The following FARP1 variants were observed in gnomAD, a reference collection of about 807,000 sequenced individuals.
FARP1 encodes the protein FERM, ARHGEF and pleckstrin domain-containing protein 1.
A neutral mutation model predicts 128.8 loss-of-function variants in FARP1; 52 were observed. That is an observed-to-expected ratio of 0.40 (90% confidence interval 0.32 to 0.51). The LOEUF (loss-of-function observed/expected upper bound fraction) is 0.51. Among genes scored for constraint, FARP1 ranks in the 20% least tolerant of loss-of-function variants. The pLI is 0.45. For missense variants in FARP1, 1,333 were observed against 1,367.9 expected, an observed-to-expected ratio of 0.97 and a Z score of 0.40; for synonymous variants, 580 against 551.8, an observed-to-expected ratio of 1.05 and a Z score of -0.72.
At chr13:98,229,174 C>T (rs1881968001) in intron 2 of FARP1, among the ~76,000 whole-genome samples, 1 of 152,182 alleles carries the variant, frequency 6.6e-6, no homozygotes, top group Non-Finnish European at 1.5e-5. Context: ...GCTAGTGACA[C>T]ATTTTCTATT....
At chr13:98,374,304 A>G (rs1889480289) in intron 5 of FARP1, among the ~76,000 whole-genome samples, 1 of 152,136 alleles carries the variant, frequency 6.6e-6, no homozygotes, top group Admixed American at 6.6e-5. Context: ...TGTACCTGTA[A>G]TCACAGCTAC....
Position 98,370,771 on chromosome 13 carries a change from A to G in FARP1, c.398+2576A>G, listed in dbSNP as rs1374156167. 1.9e-4 allele frequency among the ~76,000 whole-genome samples: 29 copies of G among 152,100 alleles called. 1 individual carries two copies. The highest frequency in any genetic ancestry group is 1.9e-3 in the Admixed American group (29 of 15,270). ...CAGCTCCAGGGAGACAGTGACAAAG[A>G]CTTCCCACTGCTTTGTGTTTTCTGA... On this transcript the variant is annotated intron_variant, in intron 5 of 26. Coordinates refer to ENST00000319562, the MANE Select transcript of FARP1 (RefSeq NM_005766.4).
chr13:98,414,231 C>G (rs1891296097), intron 16 of FARP1, among the ~76,000 whole-genome samples: 1 of 152,088 alleles, frequency 6.6e-6, no homozygotes, highest in African/African-American at 2.4e-5. Context: ...CATAATGTAA[C>G]CCATGTTTTA....
At chr13:98,209,712 G>C (rs1490583954) in intron 1 of FARP1, among the ~76,000 whole-genome samples, 1 of 140,896 alleles carries the variant, frequency 7.1e-6, no homozygotes, top group Admixed American at 7.7e-5. Context: ...CAGGAGAATC[G>C]CTTGAACCTG....
At chr13:98,413,976 A>G (rs1594508611) in intron 16 of FARP1, among the ~76,000 whole-genome samples, 1 of 152,310 alleles carries the variant, frequency 6.6e-6, no homozygotes, top group East Asian at 1.9e-4. Context: ...AGGAAATGTC[A>G]TCAGTTTGCA....
rs1891100499 is a variant in FARP1 at position 98,409,347 on chromosome 13, C to A, written c.1424C>A (p.Thr475Asn). The A allele has an allele frequency of 2.5e-6, 4 of 1,605,312 alleles. No homozygotes were observed. Among genetic ancestry groups the A allele is most frequent in the Non-Finnish European group, 3.4e-6 (4 of 1,174,184 alleles). ...QPPQPSTGSL[T>N]GSPHLSELSV... is the part of the protein sequence containing the mutation. The stretch of plus-strand genomic sequence containing the variant: ...TCTCATCCCCAAACAGGCTCCCTGA[C>A]TGGCAGTCCTCACCTTTCCGAGCTG... Residue 475 changes from threonine to asparagine, a missense_variant, in exon 14 of 27, where the codon ACT (threonine) becomes AAT (asparagine). Around this residue, in one of 2 missense-constraint regions of FARP1, gnomAD observed 1,009 missense variants for 969.8 expected, o/e 1.04. Transcript: ENST00000319562.
chr13:98,282,899 C>CA (rs975741022), intron 2 of FARP1, among the ~76,000 whole-genome samples: 21 of 147,698 alleles, frequency 1.4e-4, no homozygotes, highest in Admixed American at 4.7e-4. Flanking sequence ...GACTCCGTCT[C>CA]AAAAAAAAAT....
At chr13:98,348,087 C>T (rs769051365) in intron 3 of FARP1, among the ~76,000 whole-genome samples, 5 of 152,180 alleles carry the variant, frequency 3.3e-5, no homozygotes, top group Non-Finnish European at 7.3e-5. Context: ...TTTTCATAGT[C>T]TAAGACGTGT....
chr13:98,439,232 C>T, intron 21 of FARP1, 36 bp downstream of exon 21: 2 of 1,482,008 alleles, frequency 1.3e-6, no homozygotes, highest in Non-Finnish European at 1.9e-6. Flanking sequence ...AGGGCCTGTC[C>T]TCGGGGGCAG....
chr13:98,243,696 C>CAAA lies in FARP1; in HGVS notation c.171+30303_171+30305dup, dbSNP rs61020922. On this transcript the variant is annotated intron_variant, in intron 2 of 26. Transcript: ENST00000319562. ...TGGGCGACAGAGAGAGACTCCATCT[C>CAAA]AAAAAAAAAAAAAAAAAAAAAATCT... Among the ~76,000 whole-genome samples, 350 of 64,790 alleles carry CAAA rather than the reference C, an allele frequency of 5.4e-3. 7 individuals carry two copies. Among genetic ancestry groups the CAAA allele is most frequent in the East Asian group, 0.022 (39 of 1,742 alleles). 42.5% of individuals were successfully genotyped at this position (64,790 alleles called of 152,430 possible). A position where few individuals can be genotyped will look rare whatever the true frequency, so the allele number is the denominator to read the frequency against.
At chr13:98,179,319 A>G (rs763556045) in intron 1 of FARP1, among the ~76,000 whole-genome samples, 20 of 152,316 alleles carry the variant, frequency 1.3e-4, no homozygotes, top group Non-Finnish European at 2.9e-4. Context: ...AACTGCCCCC[A>G]TGATTCAGTT....
intron 24 of FARP1, among the ~76,000 whole-genome samples, chr13:98,444,457 T>G (rs1466733206): frequency 1.3e-5 from 2 of 152,048 alleles, no homozygotes; most frequent in Non-Finnish European, 2.9e-5. Flanking sequence ...ATGTTGACCC[T>G]CTCGTGAAGG....
chr13:98,227,450 T>C (rs1030661879), intron 2 of FARP1, among the ~76,000 whole-genome samples: 2 of 129,112 alleles, frequency 1.5e-5, no homozygotes, highest in Non-Finnish European at 3.4e-5. Context: ...ATGGCTACTA[T>C]TAAAAAAAAA....
At chr13:98,208,100 C>T (rs1030616528) in intron 1 of FARP1, among the ~76,000 whole-genome samples, 1 of 152,036 alleles carries the variant, frequency 6.6e-6, no homozygotes, top group African/African-American at 2.4e-5. Context: ...GCAGAGATCA[C>T]ACAACCAAAC....
intron 3 of FARP1, among the ~76,000 whole-genome samples, chr13:98,365,105 G>A (rs373454701): frequency 6.6e-6 from 1 of 152,178 alleles, no homozygotes; most frequent in Non-Finnish European, 1.5e-5. Flanking sequence ...TTCCAAATAG[G>A]TAAATATGAT....
chr13:98,193,369 C>T (rs1879367419), intron 1 of FARP1, among the ~76,000 whole-genome samples: 1 of 152,120 alleles, frequency 6.6e-6, no homozygotes, highest in African/African-American at 2.4e-5. Context: ...ACTCTTCTTA[C>T]ATATGTTTAT....
chr13:98,242,491 C>A (rs1236117610), intron 2 of FARP1, among the ~76,000 whole-genome samples: 1 of 152,082 alleles, frequency 6.6e-6, no homozygotes, highest in Non-Finnish European at 1.5e-5. Flanking sequence ...GCCTGGGCAA[C>A]ATAGTGAGAC....
intron 2 of FARP1, among the ~76,000 whole-genome samples, chr13:98,222,793 A>AATT (rs1255838683): frequency 2.3e-4 from 23 of 99,546 alleles, no homozygotes; most frequent in Admixed American, 1.9e-3. Context: ...ATGCCCAGCT[A>AATT]ATTTTTTTTT....
chr13:98,358,270 T>C (rs1888721544), intron 3 of FARP1, among the ~76,000 whole-genome samples: 1 of 151,962 alleles, frequency 6.6e-6, no homozygotes. Flanking sequence ...GTGTTCCTCC[T>C]TCCTACACCA....
Sources: allele counts gnomAD v4.1 joint callset (sites outside exome capture counted in the v4.1 genomes callset), GRCh38; gene constraint gnomAD v4.1.1; regional missense constraint gnomAD v4.1.1; transcripts MANE v1.5; gene names NCBI Gene and HGNC (gene_info 2026-07-23, HGNC 2026-07-21).